TRDN: variants seen among roughly 807,000 people sequenced by gnomAD.
TRDN encodes the protein triadin.
Under a neutral mutation model 149.7 loss-of-function variants are expected in TRDN, and 161 were observed. That is an observed-to-expected ratio of 1.08 (90% CI 0.95 to 1.23). TRDN has a LOEUF of 1.23. Ranked by LOEUF, TRDN falls within the 50% of genes most tolerant of loss-of-function variation. TRDN has a pLI of 0.00. For synonymous variants in TRDN, 294 were observed against 250.5 expected (o/e 1.17, Z -1.64); for missense variants, 896 against 823.5 (o/e 1.09, Z -1.08).
At chr6:123,506,052 C>T (rs192259656) in intron 7 of TRDN, among the ~76,000 whole-genome samples, 323 of 152,228 alleles carry the variant, frequency 2.1e-3, no homozygotes, top group African/African-American at 5.8e-3. Flanking sequence ...CAGCTTTCTG[C>T]GGATGACTTT....
At chr6:123,372,147 C>T (rs993026672) in intron 19 of TRDN, among the ~76,000 whole-genome samples, 2 of 152,052 alleles carry the variant, frequency 1.3e-5, no homozygotes, top group South Asian at 2.1e-4. Context: ...CTGCCATTTC[C>T]ATGCCAGAGT....
intron 9 of TRDN, among the ~76,000 whole-genome samples, chr6:123,474,646 C>A (rs1314979773): frequency 6.6e-6 from 1 of 152,004 alleles, no homozygotes; most frequent in Non-Finnish European, 1.5e-5. Context: ...CACACCACAC[C>A]TATTCCAAAA....
At chr6:123,486,184 T>C (rs908825040) in intron 9 of TRDN, among the ~76,000 whole-genome samples, 2 of 151,970 alleles carry the variant, frequency 1.3e-5, no homozygotes, top group Admixed American at 1.3e-4. Flanking sequence ...AAGATTTTAC[T>C]CTTAGAAAAA....
intron 19 of TRDN, among the ~76,000 whole-genome samples, chr6:123,369,748 G>T (rs139276174): frequency 1.7e-4 from 26 of 152,192 alleles, no homozygotes; most frequent in African/African-American, 6.0e-4. Flanking sequence ...AGTTCCAAAA[G>T]GTGATCAGTT....
intron 38 of TRDN, among the ~76,000 whole-genome samples, chr6:123,235,624 T>C (rs1775757661): frequency 6.6e-6 from 1 of 152,186 alleles, no homozygotes; most frequent in Admixed American, 6.5e-5. Context: ...CTATGAATTT[T>C]AAGACATGTA....
chr6:123,544,321 T>G (rs1583218027), intron 4 of TRDN, among the ~76,000 whole-genome samples: 1 of 151,712 alleles, frequency 6.6e-6, no homozygotes, highest in African/African-American at 2.4e-5. Flanking sequence ...TTACTTAATT[T>G]TTTTGTCTCC....
At chr6:123,433,166 T>TA (rs1774409136) in intron 12 of TRDN, among the ~76,000 whole-genome samples, 1 of 86,560 alleles carries the variant, frequency 1.2e-5, no homozygotes. Flanking sequence ...ATATATAATA[T>TA]ATATATATAT....
At chr6:123,265,014 C>A (rs1248459276) in intron 33 of TRDN, among the ~76,000 whole-genome samples, 1 of 151,934 alleles carries the variant, frequency 6.6e-6, no homozygotes, top group Non-Finnish European at 1.5e-5. Context: ...CCGAGGTATG[C>A]CAGGACAATG....
chr6:123,468,316 T>C (rs1776952928), intron 9 of TRDN, among the ~76,000 whole-genome samples: 1 of 152,200 alleles, frequency 6.6e-6, no homozygotes, highest in African/African-American at 2.4e-5. Context: ...CCCTTCATTT[T>C]ACAAGCTATT....
chr6:123,560,495 G>T (rs940247731), intron 2 of TRDN, among the ~76,000 whole-genome samples: 7 of 152,084 alleles, frequency 4.6e-5, no homozygotes, highest in African/African-American at 1.7e-4. Flanking sequence ...GTCATTCACT[G>T]CAAAGGCCAT....
intron 12 of TRDN, among the ~76,000 whole-genome samples, chr6:123,421,948 T>C (rs1316342665): frequency 1.3e-5 from 2 of 151,822 alleles, no homozygotes; most frequent in Non-Finnish European, 2.9e-5. Context: ...CACTTCAGCC[T>C]ACAGAGAAAG....
chr6:123,491,440 A>C (rs1778213504), intron 9 of TRDN, among the ~76,000 whole-genome samples: 1 of 152,182 alleles, frequency 6.6e-6, no homozygotes, highest in African/African-American at 2.4e-5. Flanking sequence ...AAAACAGGGA[A>C]TATAAGATAG....
At chr6:123,572,072 G>A (rs1240571803) in intron 1 of TRDN, among the ~76,000 whole-genome samples, 1 of 152,030 alleles carries the variant, frequency 6.6e-6, no homozygotes, top group South Asian at 2.1e-4. Context: ...TTTAAAAATT[G>A]TGCATGCCAG....
At chr6:123,351,837 A>G (rs960909141) in intron 21 of TRDN, 8 of 976,414 alleles carry the variant, frequency 8.2e-6, no homozygotes, top group African/African-American at 1.8e-5. Context: ...GACATGAGGG[A>G]ACGACAATTA....
At chr6:123,322,929 G>A (rs960335955) in intron 23 of TRDN, among the ~76,000 whole-genome samples, 27 of 151,940 alleles carry the variant, frequency 1.8e-4, no homozygotes, top group Non-Finnish European at 1.6e-4. Flanking sequence ...ATAAGCCACC[G>A]CGCTTGGCCT....
At chr6:123,493,642 A>C (rs114488724) in intron 9 of TRDN, among the ~76,000 whole-genome samples, 185 of 152,312 alleles carry the variant, frequency 1.2e-3, no homozygotes, top group African/African-American at 4.4e-3. Context: ...CCAATAATTA[A>C]TAGTGAACTC....
intron 14 of TRDN, among the ~76,000 whole-genome samples, chr6:123,386,255 A>G (rs1774117464): frequency 6.6e-6 from 1 of 152,214 alleles, no homozygotes; most frequent in Non-Finnish European, 1.5e-5. Flanking sequence ...ACATGCAGGA[A>G]AGTATTTTTA....
chr6:123,280,728 C>T (rs567107043), intron 24 of TRDN, among the ~76,000 whole-genome samples: 5 of 148,914 alleles, frequency 3.4e-5, no homozygotes, highest in African/African-American at 9.9e-5. Context: ...TTTTCTGATG[C>T]AGCGGAATTG....
At chr6:123,265,537 G>T (rs1459901634) in intron 32 of TRDN, among the ~76,000 whole-genome samples, 199 bp from the exon 33 acceptor site, 1 of 151,306 alleles carries the variant, frequency 6.6e-6, no homozygotes. Flanking sequence ...GAGCAGTAAA[G>T]CCTGAAAGTA....
Sources: gnomAD v4.1 joint callset for allele counts (sites outside exome capture counted in the v4.1 genomes callset) on GRCh38, gnomAD v4.1.1 for gene constraint, MANE v1.5 for transcripts, NCBI Gene and HGNC (gene_info 2026-07-23, HGNC 2026-07-21) for gene names.